COL19A1: variants seen among roughly 807,000 people sequenced by gnomAD.
The protein encoded by COL19A1 is collagen alpha-1(XIX) chain.
A neutral mutation model predicts 190.2 loss-of-function variants in COL19A1; 159 were observed. The ratio of observed to expected loss-of-function variants is 0.84; its 90% CI spans 0.73 to 0.95. The LOEUF (loss-of-function observed/expected upper bound fraction) is 0.95, where lower values mean the gene tolerates loss of function less well. Among genes scored for constraint, COL19A1 ranks in the 40% least tolerant of loss-of-function variants. The pLI is 0.00. For synonymous variants in COL19A1, 509 were observed against 458.9 expected (o/e 1.11, Z -1.39); for missense variants, 1,418 against 1,431.9 (o/e 0.99, Z 0.16).
chr6:70,172,949 T>C (rs1409160700), intron 41 of COL19A1, among the ~76,000 whole-genome samples: 1 of 152,134 alleles, frequency 6.6e-6, no homozygotes, highest in Non-Finnish European at 1.5e-5. Flanking sequence ...ACAGTGGAGA[T>C]AGTGAGAATG....
At position 70,141,844 on chromosome 6, in the gene COL19A1, T is replaced by G. The variant is rs192201896; in HGVS notation, c.1483-49T>G. ...CAATTAAAGTATCAGAGATGTCCATTTCCATCTGAATTTAAGCATTACCCT... is the reference window on the plus strand; with the variant it reads ...CAATTAAAGTATCAGAGATGTCCATGTCCATCTGAATTTAAGCATTACCCT... On this transcript the variant is annotated intron_variant, in intron 20 of 50. Coordinates refer to ENST00000620364, the MANE Select transcript of COL19A1 (RefSeq NM_001858.6). The G allele has an allele frequency of 4.1e-6, 5 of 1,226,678 alleles. No homozygotes were observed. The East Asian group carries it at 1.2e-4, about 29-fold the overall frequency. 76.0% of individuals were successfully genotyped at this position (1,226,678 alleles called of 1,614,324 possible). A position where few individuals can be genotyped will look rare whatever the true frequency, so the allele number is the denominator to read the frequency against.
At position 70,035,993 on chromosome 6, in the gene COL19A1, A is replaced by T; in HGVS notation, c.1170+54A>T. 3 of 1,525,660 alleles carry T rather than the reference A, an allele frequency of 2.0e-6. No homozygotes were observed. In the South Asian group the frequency reaches 3.4e-5, roughly 17 times the overall value. 94.5% of individuals were successfully genotyped at this position (1,525,660 alleles called of 1,614,324 possible). On this transcript the variant is annotated intron_variant, in intron 14 of 50. Coordinates refer to ENST00000620364, the MANE Select transcript of COL19A1 (RefSeq NM_001858.6). The stretch of plus-strand genomic sequence containing the variant: ...ATTGAAATCCATTATTCTGTTTATT[A>T]TCCATATTACATCATGACTAAACCA...
intron 11 of COL19A1, among the ~76,000 whole-genome samples, chr6:69,965,070 T>G (rs1310720155): frequency 6.6e-6 from 1 of 152,240 alleles, no homozygotes; most frequent in Non-Finnish European, 1.5e-5. Flanking sequence ...GACAACAGCA[T>G]GGATTACTCA....
At chr6:69,955,119 A>G (rs957592464) in intron 9 of COL19A1, among the ~76,000 whole-genome samples, 3 of 152,100 alleles carry the variant, frequency 2.0e-5, no homozygotes, top group Non-Finnish European at 4.4e-5. Context: ...TTTGGTTTAA[A>G]GACTCTCTTA....
At chr6:70,131,042 G>T (rs1275546329) in intron 18 of COL19A1, 1 of 460,688 alleles carries the variant, frequency 2.2e-6, no homozygotes, top group African/African-American at 2.0e-5. Context: ...CATTCCCCTT[G>T]TCATTTGCAG....
intron 48 of COL19A1, among the ~76,000 whole-genome samples, chr6:70,193,153 C>A (rs565004982): frequency 1.6e-4 from 24 of 151,932 alleles, no homozygotes; most frequent in African/African-American, 5.5e-4. Context: ...TTTTACAAGT[C>A]CATCAGACAC....
intron 4 of COL19A1, among the ~76,000 whole-genome samples, chr6:69,920,815 T>G (rs1403085658): frequency 6.7e-6 from 1 of 150,350 alleles, no homozygotes; most frequent in East Asian, 2.0e-4. Flanking sequence ...TGGATAAAAT[T>G]TTTATTTATG....
intron 8 of COL19A1, 77 bp from the exon 9 acceptor site, chr6:69,937,961 C>T: frequency 7.1e-7 from 1 of 1,407,206 alleles, no homozygotes; most frequent in East Asian, 2.3e-5. Flanking sequence ...CTAGTGCCAG[C>T]TTCACATTTA....
rs1766671136 is a variant in COL19A1 at position 70,188,590 on chromosome 6, G to A, written c.3027+345G>A. ...TTCAAACCCACGCTTTTAACATACA[G>A]GTACTGTCTCTAATGTCTCCTTACA... On this transcript the variant is annotated intron_variant, in intron 47 of 50. Coordinates refer to ENST00000620364, the MANE Select transcript of COL19A1 (RefSeq NM_001858.6). 2.6e-5 allele frequency among the ~76,000 whole-genome samples: 4 copies of A among 152,090 alleles called. No homozygotes were observed. The South Asian group carries it at 8.3e-4, about 32-fold the overall frequency.
At chr6:70,026,091 G>A (rs1337475282) in intron 12 of COL19A1, among the ~76,000 whole-genome samples, 1 of 152,102 alleles carries the variant, frequency 6.6e-6, no homozygotes, top group East Asian at 1.9e-4. Flanking sequence ...AAGTAATATT[G>A]GAATTGAAAT....
chr6:70,175,172 T>C (rs1301026035), intron 41 of COL19A1, among the ~76,000 whole-genome samples: 1 of 152,236 alleles, frequency 6.6e-6, no homozygotes, highest in Non-Finnish European at 1.5e-5. Flanking sequence ...TTTTTTCTTT[T>C]TGATGATGGC....
intron 2 of COL19A1, among the ~76,000 whole-genome samples, chr6:69,881,885 ATGACAAGC>A (rs1768581487): frequency 6.6e-6 from 1 of 152,218 alleles, no homozygotes; most frequent in South Asian, 2.1e-4. Flanking sequence ...GTTGAAGAAG[ATGACAAGC>A]TGGGCATGGC....
At chr6:70,024,737 T>C (rs1778638019) in intron 12 of COL19A1, among the ~76,000 whole-genome samples, 1 of 152,142 alleles carries the variant, frequency 6.6e-6, no homozygotes, top group African/African-American at 2.4e-5. Flanking sequence ...CTTATTTCTC[T>C]CCCTTTGAAG....
rs1267449713 is a variant in COL19A1 at position 70,163,474 on chromosome 6, C to T, written c.2400+78C>T. 3.2e-5 allele frequency: 43 copies of T among 1,348,956 alleles called. No homozygotes were observed. In the East Asian group the frequency reaches 9.1e-4, roughly 29 times the overall value. The allele number at this position is 1,348,956 out of a possible 1,614,324, so 83.6% of individuals were successfully genotyped here. ...AGGATGAGACTCTTCACAGAGAGAG[C>T]CATAAAATCAAGCAAAGCCTAAAAG... is the stretch of plus-strand genomic sequence containing the variant. On this transcript the variant is annotated intron_variant, in intron 36 of 50. Transcript: ENST00000620364.
intron 12 of COL19A1, among the ~76,000 whole-genome samples, chr6:70,024,226 T>C (rs572082404): frequency 3.3e-4 from 51 of 152,260 alleles, no homozygotes; most frequent in African/African-American, 1.2e-3. Context: ...CCTCCCAGAA[T>C]TGCACTCCAG....
chr6:69,901,464 A>T (rs1205573370), intron 4 of COL19A1, among the ~76,000 whole-genome samples: 2 of 152,258 alleles, frequency 1.3e-5, no homozygotes, highest in Admixed American at 1.3e-4. Context: ...AGAAACAAGA[A>T]TATTAAGGAA....
In COL19A1 at chr6:69,987,673, A is replaced by T. The variant is rs3828765; in HGVS notation, c.1026+24803A>T. On this transcript the variant is annotated intron_variant, in intron 11 of 50. Transcript: ENST00000620364. Reference sequence around the variant, plus strand: ...TTCTTTCACTGGCTTCTAGGACTTGAATCTAACAAAATACCTCCCAGCTGT... The same window carrying T: ...TTCTTTCACTGGCTTCTAGGACTTGTATCTAACAAAATACCTCCCAGCTGT... 5.5e-3 allele frequency among the ~76,000 whole-genome samples: 838 copies of T among 152,292 alleles called. 18 individuals are homozygous for T. In the East Asian group the frequency reaches 0.069, roughly 13 times the overall value.
intron 14 of COL19A1, among the ~76,000 whole-genome samples, chr6:70,040,212 C>T (rs1214569074): frequency 6.6e-6 from 1 of 151,766 alleles, no homozygotes; most frequent in Non-Finnish European, 1.5e-5. Flanking sequence ...ACTTTTGTTG[C>T]TTATTTATAC....
chr6:70,186,465 A>G (rs1278692629), intron 46 of COL19A1, among the ~76,000 whole-genome samples: 4 of 152,178 alleles, frequency 2.6e-5, no homozygotes, highest in Non-Finnish European at 5.9e-5. Flanking sequence ...TTCTTTCTAC[A>G]TGGCTTATTT....
Sources: gnomAD v4.1 joint callset for allele counts (sites outside exome capture counted in the v4.1 genomes callset) on GRCh38, gnomAD v4.1.1 for gene constraint, MANE v1.5 for transcripts, NCBI Gene and HGNC (gene_info 2026-07-23, HGNC 2026-07-21) for gene names.